GALNT17: variants seen among roughly 807,000 people sequenced by gnomAD.
The protein encoded by GALNT17 is polypeptide N-acetylgalactosaminyltransferase 17.
GALNT17 carries 29 observed loss-of-function variants against 63.7 expected under a neutral mutation model. The ratio of observed to expected loss-of-function variants is 0.46; its 90% confidence interval spans 0.34 to 0.62. GALNT17 has a LOEUF of 0.62. Ranked by LOEUF, GALNT17 falls within the 20% of genes least tolerant of loss-of-function variation. GALNT17 has a pLI of 0.01. For missense variants in GALNT17, 603 were observed against 799.6 expected (o/e 0.75, Z 2.97); for synonymous variants, 305 against 318.3 (o/e 0.96, Z 0.45).
chr7:71,495,445 G>C (rs574552785), intron 5 of GALNT17, among the ~76,000 whole-genome samples: 18 of 152,268 alleles, frequency 1.2e-4, no homozygotes, highest in Admixed American at 9.1e-4. Flanking sequence ...GCTAACATCT[G>C]TCTATGGATT....
intron 6 of GALNT17, among the ~76,000 whole-genome samples, chr7:71,597,131 G>C (rs976601157): frequency 6.6e-6 from 1 of 151,606 alleles, no homozygotes; most frequent in African/African-American, 2.4e-5. Flanking sequence ...TCCACCTCCC[G>C]GGCTCACACC....
rs903747656 is a variant in GALNT17, at chr7:71,665,316, T to C, written c.1081-95T>C. 30 of 1,299,396 alleles carry C rather than the reference T, an allele frequency of 2.3e-5. No individual in the cohort carries two copies. In the African/African-American group the frequency reaches 3.1e-4, roughly 14 times the overall value. 80.5% of individuals were successfully genotyped at this position (1,299,396 alleles called of 1,614,324 possible). On this transcript the variant is annotated intron_variant, in intron 6 of 10. Coordinates refer to ENST00000333538, the MANE Select transcript of GALNT17 (RefSeq NM_022479.3). Reference sequence around the variant, plus strand: ...TATATTAAAATGTATTTTACGTTTATGCAAAGTCAGCTGAACCATTGCTTT... The same window carrying C: ...TATATTAAAATGTATTTTACGTTTACGCAAAGTCAGCTGAACCATTGCTTT...
At chr7:71,391,173 G>T (rs2116353043) in intron 3 of GALNT17, among the ~76,000 whole-genome samples, 1 of 152,300 alleles carries the variant, frequency 6.6e-6, no homozygotes, top group Middle Eastern at 3.4e-3. Context: ...GTGCAGGTGT[G>T]AGCTAGTGGC....
intron 9 of GALNT17, among the ~76,000 whole-genome samples, chr7:71,681,428 T>C (rs1236240665): frequency 6.6e-6 from 1 of 151,898 alleles, no homozygotes; most frequent in East Asian, 1.9e-4. Flanking sequence ...TGGCCAAGAG[T>C]TGGATATAGC....
chr7:71,170,574 G>T (rs1788530079), intron 1 of GALNT17, among the ~76,000 whole-genome samples: 1 of 152,078 alleles, frequency 6.6e-6, no homozygotes, highest in African/African-American at 2.4e-5. Flanking sequence ...GACCTCAGGA[G>T]ATCCTCCCAC....
chr7:71,167,289 G>A (rs1204188554), intron 1 of GALNT17, among the ~76,000 whole-genome samples: 1 of 152,042 alleles, frequency 6.6e-6, no homozygotes, highest in Admixed American at 6.6e-5. Flanking sequence ...TTACATTTTA[G>A]CATTTTAATG....
rs567168941 is a variant in GALNT17, at chr7:71,408,939, T to TTATATA, written c.590-6943_590-6938dup. Among the ~76,000 whole-genome samples, 35 of 151,318 alleles carry TTATATA rather than the reference T, an allele frequency of 2.3e-4. 3 individuals are homozygous for TTATATA. The East Asian group carries it at 2.7e-3, about 12-fold the overall frequency. On this transcript the variant is annotated intron_variant, in intron 3 of 10. Transcript: ENST00000333538. ...ATGTATGTATGTATTTATATGTATT[T>TTATATA]TATATATATATACTGTATATGTGTA...
chr7:71,389,610 T>C (rs2116347398), intron 3 of GALNT17, among the ~76,000 whole-genome samples: 1 of 152,326 alleles, frequency 6.6e-6, no homozygotes, highest in African/African-American at 2.4e-5. Context: ...AATCATTGAC[T>C]GGCCATGGAT....
At chr7:71,515,002 G>A (rs908229192) in intron 5 of GALNT17, among the ~76,000 whole-genome samples, 9 of 152,090 alleles carry the variant, frequency 5.9e-5, no homozygotes, top group Non-Finnish European at 5.9e-5. Context: ...TTCCCTTTTC[G>A]CTTGGCTTTC....
intron 1 of GALNT17, among the ~76,000 whole-genome samples, chr7:71,290,198 T>C (rs10246940): frequency 0.33 from 50,094 of 152,120 alleles, 8,461 homozygotes; most frequent in East Asian, 0.48. Flanking sequence ...ACCGTGTACC[T>C]ATTAGCAGTC....
At position 71,650,676 on chromosome 7, in the gene GALNT17, A is replaced by G. The variant is rs186275370; in HGVS notation, c.1081-14735A>G. 7.9e-5 allele frequency among the ~76,000 whole-genome samples: 12 copies of G among 152,310 alleles called. No individual in the cohort carries two copies. In the East Asian group the frequency reaches 2.3e-3, roughly 29 times the overall value. ...ATTCTTTTATAGTTAAACATAGCTT[A>G]TCTATAATTGTGCCCTACCAACTCC... On this transcript the variant is annotated intron_variant, in intron 6 of 10. Transcript: ENST00000333538.
intron 5 of GALNT17, among the ~76,000 whole-genome samples, chr7:71,492,278 AAAAT>A (rs1050942555): frequency 1.3e-5 from 2 of 152,170 alleles, no homozygotes; most frequent in Non-Finnish European, 2.9e-5. Flanking sequence ...ACTCCGTCTC[AAAAT>A]AAATAAATAA....
At chr7:71,656,739 C>T (rs749398931) in intron 6 of GALNT17, among the ~76,000 whole-genome samples, 2 of 152,094 alleles carry the variant, frequency 1.3e-5, no homozygotes, top group Non-Finnish European at 2.9e-5. Context: ...GCATCATCTG[C>T]AGGACTTGGT....
In GALNT17 at chr7:71,193,462, T is replaced by C. The variant is rs1027363792; in HGVS notation, c.238+60422T>C. Reference sequence around the variant, plus strand: ...CACTGATACGCTTTTGTCTTTTTTTTTTTTTTTTTTTTGGTGTAAACATCT... The same window carrying C: ...CACTGATACGCTTTTGTCTTTTTTTCTTTTTTTTTTTTGGTGTAAACATCT... On this transcript the variant is annotated intron_variant, in intron 1 of 10. Coordinates refer to ENST00000333538, the MANE Select transcript of GALNT17 (RefSeq NM_022479.3). Among the ~76,000 whole-genome samples, 137 of 150,222 alleles carry C rather than the reference T, an allele frequency of 9.1e-4. 2 individuals carry two copies. Among genetic ancestry groups the C allele is most frequent in the Non-Finnish European group, 1.8e-3 (122 of 67,618 alleles).
intron 2 of GALNT17, among the ~76,000 whole-genome samples, chr7:71,384,024 A>G (rs1201306758): frequency 6.6e-6 from 1 of 152,082 alleles, no homozygotes; most frequent in East Asian, 1.9e-4. Flanking sequence ...ACTATTTTCC[A>G]CAGCGGCCGT....
chr7:71,296,200 C>T (rs1791076447), intron 1 of GALNT17, among the ~76,000 whole-genome samples: 1 of 152,214 alleles, frequency 6.6e-6, no homozygotes. Flanking sequence ...GTTCTTGATC[C>T]TATCTATCTC....
intron 1 of GALNT17, among the ~76,000 whole-genome samples, chr7:71,323,979 G>A (rs12666910): frequency 0.17 from 25,337 of 152,108 alleles, 2,406 homozygotes; most frequent in East Asian, 0.29. Flanking sequence ...ATAGTGTCCA[G>A]AAAGGATTTC....
chr7:71,402,212 G>T (rs1793253590), intron 3 of GALNT17, among the ~76,000 whole-genome samples: 1 of 152,214 alleles, frequency 6.6e-6, no homozygotes, highest in African/African-American at 2.4e-5. Flanking sequence ...GTGTGCTCAT[G>T]ACATTATTTG....
chr7:71,359,230 C>T (rs1430936554), intron 2 of GALNT17, among the ~76,000 whole-genome samples: 1 of 152,176 alleles, frequency 6.6e-6, no homozygotes, highest in African/African-American at 2.4e-5. Context: ...ACACGCTGTA[C>T]GAGAAGCATG....
Sources: gnomAD v4.1 joint callset for allele counts (sites outside exome capture counted in the v4.1 genomes callset) on GRCh38, gnomAD v4.1.1 for gene constraint, MANE v1.5 for transcripts, NCBI Gene and HGNC (gene_info 2026-07-23, HGNC 2026-07-21) for gene names.